PTPRN2: variants seen among roughly 807,000 people sequenced by gnomAD.
PTPRN2 encodes protein tyrosine phosphatase receptor type N2.
PTPRN2 carries 74 observed loss-of-function variants against 118.8 expected under a neutral mutation model. That is an observed-to-expected ratio of 0.62 (90% CI 0.52 to 0.76). The LOEUF is 0.76. Among genes scored for constraint, PTPRN2 ranks in the 30% least tolerant of loss-of-function variants. The probability of loss-of-function intolerance (pLI) is 0.00; values close to 1 mark genes in which losing one functional copy is unlikely to be tolerated. For missense variants in PTPRN2, 1,481 were observed against 1,394.4 expected (o/e 1.06, Z -0.99); for synonymous variants, 641 against 608.0 (o/e 1.05, Z -0.80).
rs1239677970 is a variant in PTPRN2, at chr7:158,022,028, G to A, written c.1723+59270C>T. Among the ~76,000 whole-genome samples, 1 of 152,134 alleles carries A rather than the reference G, an allele frequency of 6.6e-6. No individual in the cohort carries two copies. Among genetic ancestry groups the A allele is most frequent in the Admixed American group, 6.5e-5 (1 of 15,274 alleles). On this transcript the variant is annotated intron_variant, in intron 11 of 22. Coordinates refer to ENST00000389418, the MANE Select transcript of PTPRN2 (RefSeq NM_002847.5). The surrounding 1 kb of genome is among the most constrained non-coding windows in gnomAD (Gnocchi z 4.6). ...GCCTCGCCCATCCACCATGAGGCGA[G>A]ACCCCACACTCCAGCTGGCCTCCTC... is the stretch of plus-strand genomic sequence containing the variant.
chr7:157,656,921 C>A (rs10264113), intron 13 of PTPRN2, among the ~76,000 whole-genome samples: 2 of 127,540 alleles, frequency 1.6e-5, no homozygotes, highest in East Asian at 2.5e-4. Context: ...TACACACACA[C>A]ACGCCACACA....
chr7:157,655,735 G>A (rs570187088), intron 14 of PTPRN2, among the ~76,000 whole-genome samples: 10 of 152,184 alleles, frequency 6.6e-5, no homozygotes, highest in East Asian at 1.9e-4. Context: ...GACGTGCTGC[G>A]CTATTGACAG....
In PTPRN2 at chr7:157,585,288, G is replaced by A. The variant is rs1376306675; in HGVS notation, c.2497-7148C>T. 1.3e-5 allele frequency among the ~76,000 whole-genome samples: 2 copies of A among 152,110 alleles called. No individual in the cohort carries two copies. The highest frequency in any genetic ancestry group is 2.9e-5 in the Non-Finnish European group (2 of 68,020). On this transcript the variant is annotated intron_variant, in intron 17 of 22. Transcript: ENST00000389418. The surrounding 1 kb of genome is among the most constrained non-coding windows in gnomAD (Gnocchi z 5.2). ...AGCAGTATTGCCGCCCAGGAGGAAG[G>A]GGAAGCCTCAGAACACCAGCAGTAT...
At chr7:158,158,385 G>A (rs570035814) in intron 6 of PTPRN2, among the ~76,000 whole-genome samples, 5 of 152,260 alleles carry the variant, frequency 3.3e-5, no homozygotes, top group Non-Finnish European at 7.3e-5. Flanking sequence ...CGACAAGGAA[G>A]TGGGCACCCC....
At chr7:158,581,129 T>C (rs749916293) in intron 1 of PTPRN2, among the ~76,000 whole-genome samples, 2 of 152,240 alleles carry the variant, frequency 1.3e-5, no homozygotes, top group African/African-American at 2.4e-5. Flanking sequence ...CAGAGAGACA[T>C]GTTCTGACAG....
At chr7:158,541,796 G>A in intron 1 of PTPRN2, 1 of 949,042 alleles carries the variant, frequency 1.1e-6, no homozygotes, top group Non-Finnish European at 1.3e-6. Flanking sequence ...AGGAGAAGGG[G>A]CCAAGGCCGC....
intron 2 of PTPRN2, among the ~76,000 whole-genome samples, chr7:158,330,979 A>C: frequency 8.5e-6 from 1 of 117,226 alleles, no homozygotes; most frequent in Non-Finnish European, 1.7e-5. Context: ...TCACACCCAC[A>C]CTCTCACCAT....
At chr7:158,031,344 T>C (rs1807675286) in intron 11 of PTPRN2, among the ~76,000 whole-genome samples, 1 of 152,188 alleles carries the variant, frequency 6.6e-6, no homozygotes, top group Non-Finnish European at 1.5e-5. Flanking sequence ...TATCTGACAT[T>C]TGGGGTCTAT....
Position 158,458,638 on chromosome 7 carries a change from T to C in PTPRN2, c.163+31097A>G, listed in dbSNP as rs910057361. Reference sequence around the variant, plus strand: ...CAACAGCCCTGCAGAGCCAGAACCATGATCGTCCCCACTGCACACCTCGGA... The same window carrying C: ...CAACAGCCCTGCAGAGCCAGAACCACGATCGTCCCCACTGCACACCTCGGA... On this transcript the variant is annotated intron_variant, in intron 2 of 22. Transcript: ENST00000389418. Among the ~76,000 whole-genome samples, 4 of 152,132 alleles carry C rather than the reference T, an allele frequency of 2.6e-5. No homozygotes were observed. The East Asian group carries it at 7.7e-4, about 29-fold the overall frequency.
At chr7:158,289,130 T>C (rs1485247996) in intron 3 of PTPRN2, among the ~76,000 whole-genome samples, 2 of 152,208 alleles carry the variant, frequency 1.3e-5, no homozygotes, top group Non-Finnish European at 2.9e-5. Flanking sequence ...GACAGTTTGA[T>C]TATAATATAT....
intron 12 of PTPRN2, among the ~76,000 whole-genome samples, chr7:157,835,733 G>A (rs1049430983): frequency 3.3e-5 from 5 of 152,174 alleles, no homozygotes; most frequent in Non-Finnish European, 7.3e-5. Flanking sequence ...TTACTTGGGG[G>A]AAGGTCCTAG....
chr7:157,847,151 C>T (rs1453699530), intron 12 of PTPRN2, among the ~76,000 whole-genome samples: 54 of 80,054 alleles, frequency 6.7e-4, no homozygotes, highest in Admixed American at 1.1e-3. Context: ...CTCCATCATG[C>T]GTGCCCGATG....
chr7:157,701,566 C>T (rs1246923372), intron 12 of PTPRN2, among the ~76,000 whole-genome samples: 1 of 152,198 alleles, frequency 6.6e-6, no homozygotes. Context: ...TCCAGATGCA[C>T]CTTCCAGGGG....
chr7:158,403,869 T>A (rs1813138718), intron 2 of PTPRN2, among the ~76,000 whole-genome samples: 1 of 152,234 alleles, frequency 6.6e-6, no homozygotes, highest in Non-Finnish European at 1.5e-5. Context: ...AATATTTGCT[T>A]TATGCCTTTA....
In PTPRN2 at chr7:158,526,172, C is replaced by G. The variant is rs1824768931; in HGVS notation, c.113-36387G>C. Among the ~76,000 whole-genome samples, 1 of 152,192 alleles carries G rather than the reference C, an allele frequency of 6.6e-6. No individual in the cohort carries two copies. Among genetic ancestry groups the G allele is most frequent in the Non-Finnish European group, 1.5e-5 (1 of 68,028 alleles). On this transcript the variant is annotated intron_variant, in intron 1 of 22. Transcript: ENST00000389418. The surrounding 1 kb of genome is among the most constrained non-coding windows in gnomAD (Gnocchi z 5.2). The stretch of plus-strand genomic sequence containing the variant: ...GGGGGAGCCACATCAGGCAGACACA[C>G]GGCTCCTGGTGTTGGCAGGGTGCCG...
intron 2 of PTPRN2, among the ~76,000 whole-genome samples, chr7:158,388,562 C>T (rs1344174839): frequency 6.6e-6 from 1 of 152,210 alleles, no homozygotes; most frequent in Admixed American, 6.5e-5. Flanking sequence ...CTGGGTGCAC[C>T]AGGCTCCCTG....
chr7:158,203,602 C>T (rs1197729818), intron 4 of PTPRN2, among the ~76,000 whole-genome samples: 1 of 151,950 alleles, frequency 6.6e-6, no homozygotes, highest in Non-Finnish European at 1.5e-5. Context: ...CTGCACCCCC[C>T]CAGAGTGAGG....
chr7:158,137,479 G>A (rs755301924), intron 7 of PTPRN2, among the ~76,000 whole-genome samples: 21 of 152,216 alleles, frequency 1.4e-4, no homozygotes, highest in South Asian at 8.3e-4. Flanking sequence ...CCAAAGGTGC[G>A]TGACTCATGG....
intron 13 of PTPRN2, among the ~76,000 whole-genome samples, chr7:157,662,417 C>T (rs1417540278): frequency 3.9e-5 from 6 of 152,224 alleles, no homozygotes; most frequent in African/African-American, 1.2e-4. Context: ...GGGCCCTGAC[C>T]CCCGAGCACT....
Sources: gnomAD v4.1 joint callset for allele counts (sites outside exome capture counted in the v4.1 genomes callset) on GRCh38, gnomAD v4.1.1 for gene constraint, Gnocchi (gnomAD v3.1) non-coding constraint, MANE v1.5 for transcripts, NCBI Gene and HGNC (gene_info 2026-07-23, HGNC 2026-07-21) for gene names.